Variants in SCLY observed in about 807,000 individuals in gnomAD.
SCLY encodes selenocysteine lyase, also known as putative selenocysteine lyase.
A neutral mutation model predicts 50.1 loss-of-function variants in SCLY; 38 were observed. The observed-to-expected ratio is 0.76, with a 90% CI of 0.59 to 0.99. SCLY has a LOEUF of 0.99. Among genes scored for constraint, SCLY ranks in the 50% least tolerant of loss-of-function variants. The pLI is 0.00. For synonymous variants in SCLY, 243 were observed against 249.4 expected, an observed-to-expected ratio of 0.97 and a Z score of 0.24; for missense variants, 600 against 620.0, an observed-to-expected ratio of 0.97 and a Z score of 0.34.
Position 238,098,304 on chromosome 2 carries a change from C to G in SCLY, c.1287C>G (p.Leu429=). The G allele has an allele frequency of 1.9e-6, 3 of 1,608,208 alleles. No individual in the cohort carries two copies. Among genetic ancestry groups the G allele is most frequent in the South Asian group, 1.1e-5 (1 of 90,952 alleles). Residue 429 remains leucine (L), a synonymous_variant, in exon 12 of 12, where the codon CTC becomes CTG. Coordinates refer to ENST00000254663, the MANE Select transcript of SCLY (RefSeq NM_016510.7). ...GCACCACCAGGGCCGAGGTGGACCT[C>G]GTCGTGCAGGACCTGAAGCAGGCCG... ...GRSTTRAEVD[L]VVQDLKQAVA... is the part of the protein sequence containing the mutation.
intron 11 of SCLY, among the ~76,000 whole-genome samples, 161 bp downstream of exon 11, chr2:238,097,037 G>T (rs1221588185): frequency 6.6e-6 from 1 of 152,210 alleles, no homozygotes; most frequent in Non-Finnish European, 1.5e-5. Context: ...CCTGGAAGAA[G>T]TGACTTCCAA....
chr2:238,062,836 CTGTT>C (rs1025695915), intron 1 of SCLY, among the ~76,000 whole-genome samples: 2 of 152,264 alleles, frequency 1.3e-5, no homozygotes, highest in African/African-American at 4.8e-5. Flanking sequence ...GGTGTAAGCA[CTGTT>C]TATTTAAAAA....
At chr2:238,062,278 A>G (rs973140973) in intron 1 of SCLY, among the ~76,000 whole-genome samples, 4 of 152,226 alleles carry the variant, frequency 2.6e-5, no homozygotes, top group Non-Finnish European at 4.4e-5. Context: ...TTTATAGGAA[A>G]GAAAAACAGA....
rs754811145 is a variant in SCLY, at chr2:238,081,819, G to C, written c.595G>C (p.Glu199Gln). 4.3e-6 allele frequency: 7 copies of C among 1,613,852 alleles called. No individual in the cohort carries two copies. The African/African-American group carries it at 9.3e-5, about 22-fold the overall frequency. Residue 199 changes from glutamate to glutamine, a missense_variant, in exon 5 of 12, where the codon GAG (glutamate) becomes CAG (glutamine). Physicochemically the swap from Glu to Gln is conservative, Grantham distance 29 (BLOSUM62 2). Transcript: ENST00000254663. ...CGTGACCATCATGCTGGCCAACAATGAGACTGGCATTGTCATGGTGAGTCG... is the reference window on the plus strand; with the variant it reads ...CGTGACCATCATGCTGGCCAACAATCAGACTGGCATTGTCATGGTGAGTCG... The part of the protein sequence containing the change: ...RLVTIMLANN[E>Q]TGIVMPVPEI...
chr2:238,082,410 G>A (rs1242941529), intron 6 of SCLY, among the ~76,000 whole-genome samples: 1 of 152,240 alleles, frequency 6.6e-6, no homozygotes, highest in Non-Finnish European at 1.5e-5. Context: ...GCCATGGCAG[G>A]GATGATGGGG....
intron 7 of SCLY, among the ~76,000 whole-genome samples, chr2:238,084,540 G>A (rs1298551326): frequency 8.1e-5 from 11 of 136,040 alleles, no homozygotes; most frequent in African/African-American, 2.2e-4. Context: ...GCAGTGATCC[G>A]AGATGGCACC....
At chr2:238,064,025 G>A (rs1289528813) in intron 1 of SCLY, among the ~76,000 whole-genome samples, 2 of 152,162 alleles carry the variant, frequency 1.3e-5, no homozygotes, top group East Asian at 3.8e-4. Flanking sequence ...AGGTCATTCC[G>A]CCTCAGCCTC....
At chr2:238,070,420 T>G (rs2065116730) in intron 4 of SCLY, among the ~76,000 whole-genome samples, 2 of 152,292 alleles carry the variant, frequency 1.3e-5, no homozygotes, top group African/African-American at 4.8e-5. Flanking sequence ...GGCTCAAGCC[T>G]TGTAATCCTA....
rs920852675 is a variant in SCLY, at chr2:238,099,041, C to T, written c.*686C>T. 5 of 347,014 alleles carry T rather than the reference C, an allele frequency of 1.4e-5. No individual in the cohort carries two copies. Among genetic ancestry groups the T allele is most frequent in the Middle Eastern group, 7.5e-4 (1 of 1,338 alleles). 21.5% of individuals were successfully genotyped at this position (347,014 alleles called of 1,614,324 possible). ...TGCTTCCCCGAGCCTGACCCTGTTC[C>T]GCCCACTGGCAATCAGGGCTGCGCA... On this transcript the variant is annotated 3_prime_UTR_variant, in exon 12 of 12. Transcript: ENST00000254663.
chr2:238,073,003 A>C (rs539337286), intron 4 of SCLY, among the ~76,000 whole-genome samples: 37 of 152,332 alleles, frequency 2.4e-4, no homozygotes, highest in Non-Finnish European at 4.1e-4. Flanking sequence ...TAGCTCTTAC[A>C]TTTAAATCTG....
At position 238,098,635 on chromosome 2, in the gene SCLY, G is replaced by A. The variant is rs62196008; in HGVS notation, c.*280G>A. ...CGCCCACATGGGACCGCCCACATGG[G>A]ACCGCCCACATGGGACCGCCCACAT... On this transcript the variant is annotated 3_prime_UTR_variant, in exon 12 of 12. Coordinates refer to ENST00000254663, the MANE Select transcript of SCLY (RefSeq NM_016510.7). The A allele has an allele frequency of 0.014, 3,707 of 273,910 alleles. 169 individuals carry two copies. The highest frequency in any genetic ancestry group is 0.02 in the African/African-American group (457 of 23,012). 17.0% of individuals were successfully genotyped at this position (273,910 alleles called of 1,614,324 possible). A position where few individuals can be genotyped will look rare whatever the true frequency, so the allele number is the denominator to read the frequency against.
intron 4 of SCLY, among the ~76,000 whole-genome samples, chr2:238,071,513 G>A (rs2065127856): frequency 6.6e-6 from 1 of 152,138 alleles, no homozygotes. Context: ...GGAGGCTAAG[G>A]AGGAGAAGAA....
rs1425749611 is a variant in SCLY at position 238,067,895 on chromosome 2, CG to C, written c.203-167del. Among the ~76,000 whole-genome samples, 3 of 152,174 alleles carry C rather than the reference CG, an allele frequency of 2.0e-5. No individual in the cohort carries two copies. Among genetic ancestry groups the C allele is most frequent in the African/African-American group, 7.2e-5 (3 of 41,432 alleles). On this transcript the variant is annotated intron_variant, in intron 2 of 11. Transcript: ENST00000254663. The surrounding 1 kb of genome is among the most constrained non-coding windows in gnomAD (Gnocchi z 4.3). Reference sequence around the variant, plus strand: ...GCTGCTGTCTCGGCCGCCCCTTTGCCGGGTTGTGTCTAGGTTGTAGCATTTT... The same window carrying C: ...GCTGCTGTCTCGGCCGCCCCTTTGCCGGTTGTGTCTAGGTTGTAGCATTTT...
In SCLY at chr2:238,098,640, C is replaced by CCCACATGGGAACGCCCACATAGAACCGG. The variant is rs1559254864; in HGVS notation, c.*295_*296insACGCCCACATAGAACCGGCCACATGGGA. 3.0e-6 allele frequency: 1 copy of CCCACATGGGAACGCCCACATAGAACCGG among 336,424 alleles called. No individual in the cohort carries two copies. Among genetic ancestry groups the CCCACATGGGAACGCCCACATAGAACCGG allele is most frequent in the African/African-American group, 2.7e-5 (1 of 37,132 alleles). The allele number at this position is 336,424 out of a possible 1,614,324, so 20.8% of individuals were successfully genotyped here. A position where few individuals can be genotyped will look rare whatever the true frequency, so the allele number is the denominator to read the frequency against. ...ACATGGGACCGCCCACATGGGACCG[C>CCCACATGGGAACGCCCACATAGAACCGG]CCACATGGGACCGCCCACATAGAAC... On this transcript the variant is annotated 3_prime_UTR_variant, in exon 12 of 12. Transcript: ENST00000254663.
chr2:238,095,286 G>A (rs2065416664), intron 10 of SCLY, among the ~76,000 whole-genome samples: 3 of 152,128 alleles, frequency 2.0e-5, no homozygotes, highest in Admixed American at 2.0e-4. Flanking sequence ...TCGGCTAGGA[G>A]CAGTTAGGAT....
At chr2:238,084,103 A>G (rs1372761906) in intron 7 of SCLY, among the ~76,000 whole-genome samples, 11 of 152,190 alleles carry the variant, frequency 7.2e-5, no homozygotes, top group Admixed American at 7.2e-4. Flanking sequence ...GGAGTGGGAA[A>G]CCCAGACTTC....
intron 1 of SCLY, 87 bp from the exon 2 acceptor site, chr2:238,064,270 C>A: frequency 2.6e-6 from 2 of 757,798 alleles, no homozygotes; most frequent in Non-Finnish European, 4.2e-6. Context: ...TTATTTGCTC[C>A]TGCCGATGGG....
chr2:238,082,958 A>T, intron 6 of SCLY: 1 of 384,646 alleles, frequency 2.6e-6, no homozygotes, highest in Non-Finnish European at 5.2e-6. Flanking sequence ...ATATGATTTG[A>T]GATCCTTTTA....
intron 4 of SCLY, among the ~76,000 whole-genome samples, chr2:238,070,265 A>G (rs1284565199): frequency 6.6e-6 from 1 of 152,208 alleles, no homozygotes; most frequent in African/African-American, 2.4e-5. Flanking sequence ...TCTCAACCTG[A>G]GTTTTCTTGT....
Sources: gnomAD v4.1 joint callset for allele counts (sites outside exome capture counted in the v4.1 genomes callset) on GRCh38, gnomAD v4.1.1 for gene constraint, Gnocchi (gnomAD v3.1) non-coding constraint, MANE v1.5 for transcripts, NCBI Gene and HGNC (gene_info 2026-07-23, HGNC 2026-07-21) for gene names.